The following CDADC1 variants were observed in gnomAD, a reference collection of about 807,000 sequenced individuals.
CDADC1 encodes the protein cytidine and dCMP deaminase domain containing 1.
CDADC1 carries 39 observed loss-of-function variants against 54.9 expected under a neutral mutation model. That is an observed-to-expected ratio of 0.71 (90% CI 0.55 to 0.93). CDADC1 has a LOEUF of 0.93. Among genes scored for constraint, CDADC1 ranks in the 40% least tolerant of loss-of-function variants. The pLI is 0.00. For synonymous variants in CDADC1, 186 were observed against 204.0 expected, an observed-to-expected ratio of 0.91 and a Z score of 0.75; for missense variants, 518 against 618.8, an observed-to-expected ratio of 0.84 and a Z score of 1.73.
chr13:49,271,264 G>C (rs1440652325), intron 5 of CDADC1, among the ~76,000 whole-genome samples: 6 of 151,656 alleles, frequency 4.0e-5, no homozygotes, highest in Admixed American at 6.6e-5. Flanking sequence ...AAAAAAAAGT[G>C]TTTAGACTCT....
At position 49,292,368 on chromosome 13, in the gene CDADC1, G is replaced by A. The variant is rs1953735090; in HGVS notation, c.*611G>A. On this transcript the variant is annotated 3_prime_UTR_variant, in exon 10 of 10. Coordinates refer to ENST00000251108, the MANE Select transcript of CDADC1 (RefSeq NM_030911.4). ...TGGTCCTGTTTATCACAGACTTTGG[G>A]TAGCAATAGGAAGAGAGTGTTATTC... is the stretch of plus-strand genomic sequence containing the variant. The A allele has an allele frequency of 1.0e-6, 1 of 989,024 alleles. No individual in the cohort carries two copies. Among genetic ancestry groups the A allele is most frequent in the South Asian group, 4.6e-5 (1 of 21,614 alleles). 61.3% of individuals were successfully genotyped at this position (989,024 alleles called of 1,614,324 possible). A position where few individuals can be genotyped will look rare whatever the true frequency, so the allele number is the denominator to read the frequency against.
intron 3 of CDADC1, 48 bp from the exon 4 acceptor site, chr13:49,259,294 ATGAT>A (rs1952615653): frequency 8.5e-7 from 1 of 1,173,114 alleles, no homozygotes; most frequent in Admixed American, 2.2e-5. Context: ...AATCCATAAT[ATGAT>A]TATTAGGTGT....
At chr13:49,278,813 A>T (rs944732620) in intron 7 of CDADC1, among the ~76,000 whole-genome samples, 4 of 152,032 alleles carry the variant, frequency 2.6e-5, no homozygotes, top group Non-Finnish European at 5.9e-5. Flanking sequence ...AGCCTCTCAT[A>T]TTTCTGGATG....
chr13:49,269,287 GTACAGATGCTA>G, intron 5 of CDADC1, among the ~76,000 whole-genome samples: 1 of 76,968 alleles, frequency 1.3e-5, no homozygotes, highest in Non-Finnish European at 2.8e-5. Flanking sequence ...TTTATAAAAA[GTACAGATGCTA>G]TACTTTTTAC....
At position 49,291,746 on chromosome 13, in the gene CDADC1, G is replaced by A. The variant is rs149569821; in HGVS notation, c.1534G>A (p.Gly512Arg). 23 of 1,613,802 alleles carry A rather than the reference G, an allele frequency of 1.4e-5. No homozygotes were observed. The African/African-American group carries it at 1.5e-4, about 10-fold the overall frequency. The change falls in exon 10 of 10, where the codon GGA becomes AGA. Residue 512 changes from glycine (G) to arginine (R), a missense_variant. Coordinates refer to ENST00000251108, the MANE Select transcript of CDADC1 (RefSeq NM_030911.4). Reference protein sequence around the residue: ...EQHQDKKLRLGIH With the variant: ...EQHQDKKLRLRIH The stretch of plus-strand genomic sequence containing the variant: ...GCACCAGGACAAGAAGCTGCGCCTC[G>A]GAATCCACTAAGAAGGCCTGTCTAC...
In CDADC1 at chr13:49,270,119, C is replaced by T. The variant is rs1426165234; in HGVS notation, c.1000+2060C>T. ...TTTCCTTAGCACTAAACACAATGTG[C>T]GTTGAATGGATAAAACAAATCTTTT... On this transcript the variant is annotated intron_variant, in intron 5 of 9. Transcript: ENST00000251108. Among the ~76,000 whole-genome samples, 9 of 152,124 alleles carry T rather than the reference C, an allele frequency of 5.9e-5. No individual in the cohort carries two copies. In the South Asian group the frequency reaches 1.9e-3, roughly 31 times the overall value.
chr13:49,277,489 TCAAA>T (rs1360889850), intron 6 of CDADC1, among the ~76,000 whole-genome samples: 2 of 152,140 alleles, frequency 1.3e-5, no homozygotes, highest in Non-Finnish European at 2.9e-5. Context: ...TAGTAAATGT[TCAAA>T]CAGATTTATT....
intron 2 of CDADC1, 133 bp from the exon 3 acceptor site, chr13:49,255,706 G>A (rs1952526858): frequency 2.9e-6 from 3 of 1,038,902 alleles, no homozygotes; most frequent in Non-Finnish European, 4.2e-6. Context: ...AAAGTGGGAA[G>A]TCAATGTAGA....
chr13:49,272,547 G>A (rs112941718), intron 5 of CDADC1, among the ~76,000 whole-genome samples: 3 of 151,960 alleles, frequency 2.0e-5, no homozygotes, highest in South Asian at 2.1e-4. Flanking sequence ...ACTGTAAGTC[G>A]TATGAGGAAG....
intron 2 of CDADC1, among the ~76,000 whole-genome samples, chr13:49,251,269 G>T (rs1952424684): frequency 6.6e-6 from 1 of 152,080 alleles, no homozygotes; most frequent in East Asian, 1.9e-4. Flanking sequence ...GTAGCTGGGC[G>T]TGGTGGTGCG....
chr13:49,254,599 C>T (rs567704834), intron 2 of CDADC1, among the ~76,000 whole-genome samples: 18 of 152,186 alleles, frequency 1.2e-4, no homozygotes, highest in African/African-American at 3.6e-4. Flanking sequence ...GACAGGGTTT[C>T]ACTATGTTGG....
chr13:49,292,549 A>C lies in CDADC1; in HGVS notation c.*792A>C. ...ATTAATAAATGCTGCTCCCCCATAT[A>C]GTCTTCCCTTCTGTATAATTAACAT... On this transcript the variant is annotated 3_prime_UTR_variant, in exon 10 of 10. Transcript: ENST00000251108. 9.2e-7 allele frequency: 1 copy of C among 1,092,768 alleles called. No homozygotes were observed. Among genetic ancestry groups the C allele is most frequent in the Non-Finnish European group, 1.1e-6 (1 of 892,888 alleles). 67.7% of individuals were successfully genotyped at this position (1,092,768 alleles called of 1,614,324 possible). A position where few individuals can be genotyped will look rare whatever the true frequency, so the allele number is the denominator to read the frequency against.
chr13:49,252,580 G>A (rs1952459853), intron 2 of CDADC1, among the ~76,000 whole-genome samples: 1 of 152,140 alleles, frequency 6.6e-6, no homozygotes, highest in African/African-American at 2.4e-5. Flanking sequence ...ATGATAGTGT[G>A]GGGGAAGAAT....
intron 9 of CDADC1, among the ~76,000 whole-genome samples, chr13:49,287,527 T>A (rs978613767): frequency 6.6e-6 from 1 of 152,234 alleles, no homozygotes; most frequent in African/African-American, 2.4e-5. Context: ...TCTCTCTGTC[T>A]ATCTATACAT....
intron 3 of CDADC1, among the ~76,000 whole-genome samples, chr13:49,256,446 C>T (rs1952550925): frequency 6.6e-6 from 1 of 152,242 alleles, no homozygotes; most frequent in African/African-American, 2.4e-5. Flanking sequence ...TGTATTACCC[C>T]TCATGGGGCT....
At position 49,267,659 on chromosome 13, in the gene CDADC1, G is replaced by A. The variant is rs1468051174; in HGVS notation, c.600G>A (p.Val200=). ...VLLQPLVCYM[V]QFVEETSYKC... is the part of the protein sequence containing the mutation. ...TTCAACCTTTGGTGTGTTATATGGTGCAGTTTGTAGAGGAGACCTCTTACA... is the reference window on the plus strand; with the variant it reads ...TTCAACCTTTGGTGTGTTATATGGTACAGTTTGTAGAGGAGACCTCTTACA... The change falls in exon 5 of 10, where the codon GTG becomes GTA. Residue 200 remains valine (V), a synonymous_variant. Coordinates refer to ENST00000251108, the MANE Select transcript of CDADC1 (RefSeq NM_030911.4). The A allele has an allele frequency of 1.2e-6, 2 of 1,614,118 alleles. No individual in the cohort carries two copies. The highest frequency in any genetic ancestry group is 3.3e-5 in the Admixed American group (2 of 60,010).
At chr13:49,276,430 T>C (rs1156359110) in intron 6 of CDADC1, among the ~76,000 whole-genome samples, 2 of 152,314 alleles carry the variant, frequency 1.3e-5, no homozygotes, top group East Asian at 3.9e-4. Context: ...TTAGTAACTA[T>C]ATAGCTGACT....
Position 49,291,871 on chromosome 13 carries a change from T to C in CDADC1, c.*114T>C, listed in dbSNP as rs1953716576. On this transcript the variant is annotated 3_prime_UTR_variant, in exon 10 of 10. Coordinates refer to ENST00000251108, the MANE Select transcript of CDADC1 (RefSeq NM_030911.4). ...ATTTTGTGAATAATTGAAAAGATTT[T>C]TTAAGGAAGCTAATTTATTTCTAGG... is the stretch of plus-strand genomic sequence containing the variant. 1.4e-6 allele frequency: 2 copies of C among 1,457,156 alleles called. No homozygotes were observed. Among genetic ancestry groups the C allele is most frequent in the Non-Finnish European group, 9.1e-7 (1 of 1,103,596 alleles). The allele number at this position is 1,457,156 out of a possible 1,614,324, so 90.3% of individuals were successfully genotyped here.
intron 5 of CDADC1, among the ~76,000 whole-genome samples, chr13:49,270,045 C>T (rs1243286860): frequency 7.3e-6 from 1 of 136,708 alleles, no homozygotes; most frequent in East Asian, 2.7e-4. Flanking sequence ...GTCACTCACT[C>T]TACTCCACTG....
Sources: allele counts gnomAD v4.1 joint callset (sites outside exome capture counted in the v4.1 genomes callset), GRCh38; gene constraint gnomAD v4.1.1; transcripts MANE v1.5; gene names NCBI Gene and HGNC (gene_info 2026-07-23, HGNC 2026-07-21).